QTGAL: variants seen among roughly 807,000 people sequenced by gnomAD.
The protein encoded by QTGAL is BGnT-like protein 1.
At chr17:83,017,420 C>T in the QTGAL span, among the ~76,000 whole-genome samples, 10 of 151,694 alleles carry the variant, frequency 6.6e-5, no homozygotes, top group African/African-American at 1.7e-4. Context: ...GTCAGGAGTT[C>T]GAAACTAGAC....
At chr17:82,946,993 G>A in the QTGAL span, 4 of 1,555,876 alleles carry the variant, frequency 2.6e-6, no homozygotes, top group African/African-American at 2.7e-5. Context: ...CCTGTCAGGA[G>A]CAGCAGATTC....
the QTGAL span, among the ~76,000 whole-genome samples, chr17:82,959,752 C>T: frequency 2.6e-3 from 397 of 152,116 alleles, no homozygotes; most frequent in South Asian, 6.8e-3. Flanking sequence ...CCTCTGACAC[C>T]GGCCTCCTCG....
the QTGAL span, among the ~76,000 whole-genome samples, chr17:83,038,017 T>C: frequency 2.0e-4 from 31 of 152,194 alleles, no homozygotes; most frequent in African/African-American, 6.7e-4. Flanking sequence ...AGAGTGGGGA[T>C]TGTACTTCAT....
At chr17:83,017,360 T>A in the QTGAL span, among the ~76,000 whole-genome samples, 152 of 152,274 alleles carry the variant, frequency 1.0e-3, 1 homozygote, top group Middle Eastern at 3.4e-3. Flanking sequence ...CAGTAGCTCA[T>A]GCCTGTAATC....
chr17:82,976,146 G>C, the QTGAL span, among the ~76,000 whole-genome samples: 1 of 35,582 alleles, frequency 2.8e-5, no homozygotes. Context: ...TATGGGGAAC[G>C]AGGGCCCCGG....
chr17:82,987,491 A>T, the QTGAL span, among the ~76,000 whole-genome samples: 1 of 152,238 alleles, frequency 6.6e-6, no homozygotes, highest in Admixed American at 6.5e-5. Context: ...GATGAACCGT[A>T]TTCATAAAGA....
chr17:83,035,126 T>C, the QTGAL span: 2 of 1,589,218 alleles, frequency 1.3e-6, no homozygotes, highest in South Asian at 1.1e-5. Flanking sequence ...AGCAAAACTC[T>C]TTTATAATTC....
the QTGAL span, chr17:82,956,642 T>C: frequency 6.7e-7 from 1 of 1,486,448 alleles, no homozygotes. This position sits in a 1 kb window ranked among gnomAD's most constrained non-coding sequence, Gnocchi z 5.7. Context: ...GTTGTCCAGG[T>C]GGCAGAGCCC....
the QTGAL span, among the ~76,000 whole-genome samples, chr17:83,045,858 A>T: frequency 6.7e-6 from 1 of 150,222 alleles, no homozygotes; most frequent in Non-Finnish European, 1.5e-5. Flanking sequence ...TCTTGTTGCC[A>T]GGCTGGAGTC....
chr17:83,039,266 G>A, the QTGAL span, among the ~76,000 whole-genome samples: 1 of 106,100 alleles, frequency 9.4e-6, no homozygotes, highest in Non-Finnish European at 1.9e-5. Flanking sequence ...GCCCGCCCCT[G>A]TTCTAGACAC....
At chr17:82,970,584 C>CGACCTCCGCACACAGCGTGGCCGT in the QTGAL span, among the ~76,000 whole-genome samples, 107 of 44,814 alleles carry the variant, frequency 2.4e-3, 15 homozygotes, top group African/African-American at 0.012. Context: ...GGCGTGGCCG[C>CGACCTCCGCACACAGCGTGGCCGT]GACCTCCGCA....
the QTGAL span, among the ~76,000 whole-genome samples, chr17:83,008,246 C>T: frequency 6.6e-6 from 1 of 152,242 alleles, no homozygotes; most frequent in Non-Finnish European, 1.5e-5. Flanking sequence ...TAACTTTCTC[C>T]AGGTTCCTAG....
At chr17:82,980,661 G>T in the QTGAL span, among the ~76,000 whole-genome samples, 1 of 152,224 alleles carries the variant, frequency 6.6e-6, no homozygotes, top group Non-Finnish European at 1.5e-5. Context: ...AGAGATGACG[G>T]GGAAAGGTAT....
the QTGAL span, among the ~76,000 whole-genome samples, chr17:82,978,044 T>C: frequency 6.6e-6 from 1 of 152,208 alleles, no homozygotes. This position sits in a 1 kb window ranked among gnomAD's most constrained non-coding sequence, Gnocchi z 4.8. Context: ...CACCTCTGGT[T>C]ACGTGGAGGG....
the QTGAL span, among the ~76,000 whole-genome samples, chr17:82,999,247 CACAA>C: frequency 1.7e-5 from 1 of 58,118 alleles, no homozygotes; most frequent in Admixed American, 1.5e-4. Context: ...GTCATGCACA[CACAA>C]AGGCTTGTAC....
the QTGAL span, among the ~76,000 whole-genome samples, chr17:83,000,407 C>T: frequency 0.012 from 1,851 of 152,296 alleles, 42 homozygotes; most frequent in African/African-American, 0.042. Flanking sequence ...AAACATCAGT[C>T]GTGCAGCACG....
chr17:82,975,151 CT>C, the QTGAL span, among the ~76,000 whole-genome samples: 2 of 53,890 alleles, frequency 3.7e-5, no homozygotes, highest in South Asian at 7.4e-4. Context: ...CCGGAGGCCA[CT>C]TATGGGGAAC....
At chr17:83,036,657 G>A in the QTGAL span, among the ~76,000 whole-genome samples, 3 of 152,194 alleles carry the variant, frequency 2.0e-5, no homozygotes, top group Non-Finnish European at 4.4e-5. Context: ...AGGGAGCTGT[G>A]GCAAGAGCCT....
At chr17:83,025,651 G>A in the QTGAL span, among the ~76,000 whole-genome samples, 1 of 149,446 alleles carries the variant, frequency 6.7e-6, no homozygotes, top group Admixed American at 6.6e-5. Flanking sequence ...ACCGCGGAGA[G>A]TCCACACACG....
Sources: gnomAD v4.1 joint callset for allele counts (sites outside exome capture counted in the v4.1 genomes callset) on GRCh38, gnomAD v4.1.1 for gene constraint, Gnocchi (gnomAD v3.1) non-coding constraint, MANE v1.5 for transcripts, NCBI Gene and HGNC (gene_info 2026-07-23, HGNC 2026-07-21) for gene names.